BAZ2B: variants seen among roughly 807,000 people sequenced by gnomAD.
The protein encoded by BAZ2B is bromodomain adjacent to zinc finger domain protein 2B.
Under a neutral mutation model 246.0 loss-of-function variants are expected in BAZ2B, and 91 were observed. The ratio of observed to expected loss-of-function variants is 0.37; its 90% CI spans 0.31 to 0.44. The LOEUF is 0.44. Among genes scored for constraint, BAZ2B ranks in the 20% least tolerant of loss-of-function variants. The probability of loss-of-function intolerance (pLI) is 1.00; values close to 1 mark genes in which losing one functional copy is unlikely to be tolerated. For missense variants in BAZ2B, 2,332 were observed against 2,533.7 expected (o/e 0.92, Z 1.71); for synonymous variants, 855 against 860.0 (o/e 0.99, Z 0.10).
chr2:159,585,599 C>T (rs1687852858), intron 1 of BAZ2B, among the ~76,000 whole-genome samples: 1 of 152,074 alleles, frequency 6.6e-6, no homozygotes, highest in Non-Finnish European at 1.5e-5. Context: ...TGGTTAAAAG[C>T]CATTTTTAAA....
chr2:159,368,455 T>TA (rs1176684503), intron 27 of BAZ2B, among the ~76,000 whole-genome samples: 4 of 152,180 alleles, frequency 2.6e-5, no homozygotes, highest in Non-Finnish European at 5.9e-5. Context: ...TAATTAGCTG[T>TA]AAGATAAAGA....
chr2:159,420,370 T>A (rs1340724346), intron 13 of BAZ2B, among the ~76,000 whole-genome samples: 2 of 152,240 alleles, frequency 1.3e-5, no homozygotes, highest in African/African-American at 4.8e-5. Context: ...GGCTTATGCA[T>A]TAAAAAGAAG....
rs544438882 is a variant in BAZ2B, at chr2:159,505,749, A to G, written c.-2-27028T>C. Reference sequence around the variant, plus strand: ...AGGCGGCAAGAATATAGAATTCATCATCATCTTAAGCCCCAAAAGCCAAGT... The same window carrying G: ...AGGCGGCAAGAATATAGAATTCATCGTCATCTTAAGCCCCAAAAGCCAAGT... On this transcript the variant is annotated intron_variant, in intron 2 of 36. Coordinates refer to ENST00000392783, the MANE Select transcript of BAZ2B (RefSeq NM_013450.4). 2.6e-4 allele frequency among the ~76,000 whole-genome samples: 39 copies of G among 152,344 alleles called. 1 individual carries two copies. The South Asian group carries it at 7.5e-3, about 29-fold the overall frequency.
At chr2:159,592,636 C>T (rs1022729704) in intron 1 of BAZ2B, among the ~76,000 whole-genome samples, 2 of 152,148 alleles carry the variant, frequency 1.3e-5, no homozygotes, top group Non-Finnish European at 2.9e-5. Flanking sequence ...ATGGAAATGA[C>T]CATGTGATCA....
chr2:159,703,097 CT>C, the BAZ2B span, among the ~76,000 whole-genome samples: 2 of 149,956 alleles, frequency 1.3e-5, no homozygotes, highest in African/African-American at 2.5e-5. Context: ...AACTTTCTTT[CT>C]TTTTTTGAGA....
At chr2:159,471,151 G>C (rs959511439) in intron 3 of BAZ2B, among the ~76,000 whole-genome samples, 4 of 152,172 alleles carry the variant, frequency 2.6e-5, no homozygotes, top group Non-Finnish European at 5.9e-5. Context: ...ATTCTGCTGA[G>C]GTTGAATGAG....
chr2:159,636,783 C>T, the BAZ2B span, among the ~76,000 whole-genome samples: 2 of 152,098 alleles, frequency 1.3e-5, no homozygotes, highest in African/African-American at 4.8e-5. Flanking sequence ...TGAAAGTGAC[C>T]TCCCTCCTTT....
intron 13 of BAZ2B, among the ~76,000 whole-genome samples, chr2:159,416,490 A>G (rs973850797): frequency 6.6e-6 from 1 of 152,226 alleles, no homozygotes; most frequent in African/African-American, 2.4e-5. Context: ...TAAAGGTAAC[A>G]TTCATGATAC....
At chr2:159,582,282 G>A (rs956238756) in intron 1 of BAZ2B, among the ~76,000 whole-genome samples, 3 of 152,208 alleles carry the variant, frequency 2.0e-5, no homozygotes, top group African/African-American at 4.8e-5. Context: ...TCTGGAAACT[G>A]CCATCAGCAG....
At chr2:159,449,189 T>C (rs2074686702) in intron 4 of BAZ2B, among the ~76,000 whole-genome samples, 1 of 152,188 alleles carries the variant, frequency 6.6e-6, no homozygotes, top group African/African-American at 2.4e-5. Flanking sequence ...ATAGTGTCTC[T>C]TAAAGTTTTA....
chr2:159,446,677 G>T, intron 6 of BAZ2B, 105 bp downstream of exon 6: 1 of 1,038,636 alleles, frequency 9.6e-7, no homozygotes, highest in African/African-American at 1.6e-5. Context: ...AATAAAAGTT[G>T]GTAATTCATA....
At chr2:159,378,230 CT>C (rs2061622887) in intron 25 of BAZ2B, among the ~76,000 whole-genome samples, 1 of 152,166 alleles carries the variant, frequency 6.6e-6, no homozygotes, top group African/African-American at 2.4e-5. Flanking sequence ...AATTACACTT[CT>C]GATACTCAAA....
In BAZ2B at chr2:159,431,134, T is replaced by C. The variant is rs1209519866; in HGVS notation, c.1923A>G (p.Ser641=). ...SQSESDSNSE[S]DTEGSEEEDD... ...CTTCTTCTTCTGATCCTTCTGTATC[T>C]GATTCTGAATTACTATCTGATTCTG... The change falls in exon 10 of 37, where the codon TCA becomes TCG. Residue 641 remains serine (S), a synonymous_variant. Transcript: ENST00000392783. 1 of 1,606,424 alleles carries C rather than the reference T, an allele frequency of 6.2e-7. No individual in the cohort carries two copies. Among genetic ancestry groups the C allele is most frequent in the Admixed American group, 1.7e-5 (1 of 59,578 alleles).
the BAZ2B span, among the ~76,000 whole-genome samples, chr2:159,652,011 A>C: frequency 1.1e-3 from 161 of 152,282 alleles, 1 homozygote; most frequent in Non-Finnish European, 1.6e-3. Context: ...ACATTCATAT[A>C]CACGTTTTTT....
At chr2:159,324,486 C>G (rs532569192) in intron 36 of BAZ2B, among the ~76,000 whole-genome samples, 1 of 152,004 alleles carries the variant, frequency 6.6e-6, no homozygotes, top group African/African-American at 2.4e-5. Context: ...CTTTGGGAGG[C>G]TCTCCTGATA....
the BAZ2B span, among the ~76,000 whole-genome samples, chr2:159,644,700 T>C: frequency 6.6e-6 from 1 of 152,190 alleles, no homozygotes; most frequent in African/African-American, 2.4e-5. Context: ...GGCAGTGTCT[T>C]TGTTGTTATA....
chr2:159,635,312 C>G, the BAZ2B span, among the ~76,000 whole-genome samples: 3 of 151,774 alleles, frequency 2.0e-5, no homozygotes, highest in Non-Finnish European at 4.4e-5. Flanking sequence ...CATCTCTTCT[C>G]AGCAGCTGTT....
chr2:159,485,553 C>G (rs1013450027), intron 2 of BAZ2B, among the ~76,000 whole-genome samples: 2 of 152,042 alleles, frequency 1.3e-5, no homozygotes, highest in Admixed American at 6.5e-5. Context: ...GGCTGGCAAC[C>G]AGGTGTTCTG....
intron 27 of BAZ2B, among the ~76,000 whole-genome samples, chr2:159,350,913 G>A (rs980520998): frequency 2.0e-5 from 3 of 148,738 alleles, no homozygotes; most frequent in Admixed American, 6.7e-5. Context: ...AAAATCCGGT[G>A]GGGGGAGGGG....
Sources: gnomAD v4.1 joint callset for allele counts (sites outside exome capture counted in the v4.1 genomes callset) on GRCh38, gnomAD v4.1.1 for gene constraint, MANE v1.5 for transcripts, NCBI Gene and HGNC (gene_info 2026-07-23, HGNC 2026-07-21) for gene names.